Variants in MICU1 observed in about 807,000 individuals in gnomAD.
The protein encoded by MICU1 is mitochondrial calcium uptake 1, also known as calcium uptake protein 1, mitochondrial.
Under a neutral mutation model 56.8 loss-of-function variants are expected in MICU1, and 45 were observed. The observed-to-expected ratio is 0.79, with a 90% confidence interval of 0.62 to 1.02. The LOEUF (loss-of-function observed/expected upper bound fraction) is 1.02, where lower values mean the gene tolerates loss of function less well. Ranked by LOEUF, MICU1 falls within the 50% of genes least tolerant of loss-of-function variation. The probability of loss-of-function intolerance (pLI) is 0.00; values close to 1 mark genes in which losing one functional copy is unlikely to be tolerated. For missense variants in MICU1, 504 were observed against 587.1 expected, an observed-to-expected ratio of 0.86 and a Z score of 1.46; for synonymous variants, 186 against 195.1, an observed-to-expected ratio of 0.95 and a Z score of 0.39.
chr10:72,517,585 G>A (rs532998802), intron 5 of MICU1, among the ~76,000 whole-genome samples: 121 of 152,162 alleles, frequency 8.0e-4, no homozygotes, highest in African/African-American at 1.1e-3. Flanking sequence ...AGATGCAAAC[G>A]CATAAGAATG....
At chr10:72,461,963 C>T (rs1031315702) in intron 8 of MICU1, among the ~76,000 whole-genome samples, 7 of 152,044 alleles carry the variant, frequency 4.6e-5, no homozygotes, top group Non-Finnish European at 8.8e-5. Context: ...AAACAAACAA[C>T]AACAACAAAA....
chr10:72,417,825 C>A (rs1008917203), intron 9 of MICU1, among the ~76,000 whole-genome samples: 7 of 152,176 alleles, frequency 4.6e-5, no homozygotes, highest in Non-Finnish European at 8.8e-5. Flanking sequence ...GCTCATAAGC[C>A]TAGCTGCACA....
intron 4 of MICU1, among the ~76,000 whole-genome samples, chr10:72,550,006 C>T (rs1033371696): frequency 1.3e-5 from 2 of 150,916 alleles, no homozygotes; most frequent in Non-Finnish European, 2.9e-5. Flanking sequence ...TGCTTAATGA[C>T]GTTTTGGTCA....
intron 4 of MICU1, among the ~76,000 whole-genome samples, chr10:72,540,383 C>A (rs1410875943): frequency 1.3e-5 from 2 of 149,256 alleles, no homozygotes; most frequent in Non-Finnish European, 3.0e-5. Flanking sequence ...AAAAAAAAAA[C>A]TGGCATGGAG....
intron 6 of MICU1, among the ~76,000 whole-genome samples, chr10:72,497,415 C>T (rs552143602): frequency 8.3e-4 from 127 of 152,190 alleles, no homozygotes; most frequent in African/African-American, 2.8e-3. Context: ...CATGATAAGA[C>T]GTAAGCATAA....
At chr10:72,416,321 A>G (rs1031618846) in intron 9 of MICU1, among the ~76,000 whole-genome samples, 4 of 152,168 alleles carry the variant, frequency 2.6e-5, no homozygotes, top group Non-Finnish European at 5.9e-5. Flanking sequence ...ACAACAACAA[A>G]AAGTAGAGTT....
chr10:72,615,983 C>T (rs1053869745), intron 1 of MICU1, among the ~76,000 whole-genome samples: 12 of 151,514 alleles, frequency 7.9e-5, no homozygotes, highest in Admixed American at 3.9e-4. Flanking sequence ...AGCGAGACTC[C>T]GTCTCAAAAA....
chr10:72,591,775 C>T (rs2132528726), intron 1 of MICU1, among the ~76,000 whole-genome samples: 1 of 152,168 alleles, frequency 6.6e-6, no homozygotes, highest in South Asian at 2.1e-4. Flanking sequence ...GTAATCCCAG[C>T]ACTTTGGGAG....
chr10:72,558,900 A>G (rs1174308414), intron 3 of MICU1, among the ~76,000 whole-genome samples: 1 of 152,232 alleles, frequency 6.6e-6, no homozygotes, highest in African/African-American at 2.4e-5. Flanking sequence ...GCATGCCTGT[A>G]GTCCTGGCTA....
intron 8 of MICU1, among the ~76,000 whole-genome samples, chr10:72,429,360 C>T (rs1314819845): frequency 7.1e-6 from 1 of 141,672 alleles, no homozygotes; most frequent in Non-Finnish European, 1.5e-5. Context: ...GTGGAGGTTG[C>T]AGTGAGCCAA....
At chr10:72,533,208 T>C in intron 5 of MICU1, 1 of 1,092,544 alleles carries the variant, frequency 9.2e-7, no homozygotes, top group Non-Finnish European at 1.2e-6. Flanking sequence ...ACAATAAAAC[T>C]GAAAGTCTCA....
At chr10:72,530,566 C>A (rs1000946177) in intron 5 of MICU1, among the ~76,000 whole-genome samples, 1 of 152,022 alleles carries the variant, frequency 6.6e-6, no homozygotes, top group African/African-American at 2.4e-5. Context: ...GTAACCATAG[C>A]TGTTACCATT....
At chr10:72,457,092 G>A (rs1170781924) in intron 8 of MICU1, among the ~76,000 whole-genome samples, 1 of 151,540 alleles carries the variant, frequency 6.6e-6, no homozygotes, top group Non-Finnish European at 1.5e-5. Context: ...CCAAATTGAC[G>A]GAATTATAGG....
At chr10:72,553,354 C>T (rs1178163056) in intron 3 of MICU1, among the ~76,000 whole-genome samples, 2 of 151,992 alleles carry the variant, frequency 1.3e-5, no homozygotes, top group East Asian at 1.9e-4. Context: ...CTGCCTCAGC[C>T]TCCCTAGTAG....
chr10:72,487,666 T>A (rs746755978), intron 6 of MICU1, among the ~76,000 whole-genome samples: 4 of 152,158 alleles, frequency 2.6e-5, no homozygotes, highest in Non-Finnish European at 5.9e-5. Context: ...CTCGTGAGAA[T>A]GTTTTGAGAA....
intron 6 of MICU1, among the ~76,000 whole-genome samples, chr10:72,481,032 G>A (rs1391131025): frequency 1.3e-5 from 2 of 152,238 alleles, no homozygotes; most frequent in Non-Finnish European, 2.9e-5. Context: ...ACACCACAGA[G>A]GCCATGAACC....
intron 1 of MICU1, among the ~76,000 whole-genome samples, chr10:72,603,032 G>A (rs969969371): frequency 7.9e-5 from 12 of 151,586 alleles, no homozygotes; most frequent in Non-Finnish European, 1.8e-4. Context: ...GGAGAATGGC[G>A]TGAACCCAGA....
chr10:72,551,074 T>C, intron 4 of MICU1, 105 bp downstream of exon 4: 3 of 1,114,112 alleles, frequency 2.7e-6, no homozygotes, highest in Non-Finnish European at 3.7e-6. Context: ...ACTGTTCATA[T>C]CATCATTACA....
At chr10:72,432,010 A>G (rs1362155339) in intron 8 of MICU1, among the ~76,000 whole-genome samples, 2 of 150,820 alleles carry the variant, frequency 1.3e-5, no homozygotes, top group Middle Eastern at 3.4e-3. Flanking sequence ...TATGTTGTCT[A>G]TTTTTAAAAA....
Sources: gnomAD v4.1 joint callset for allele counts (sites outside exome capture counted in the v4.1 genomes callset) on GRCh38, gnomAD v4.1.1 for gene constraint, MANE v1.5 for transcripts, NCBI Gene and HGNC (gene_info 2026-07-23, HGNC 2026-07-21) for gene names.